The following DDAH1 variants were observed in gnomAD, a reference collection of about 807,000 sequenced individuals.
The protein encoded by DDAH1 is dimethylarginine dimethylaminohydrolase 1.
Under a neutral mutation model 28.8 loss-of-function variants are expected in DDAH1, and 19 were observed. The ratio of observed to expected loss-of-function variants is 0.66; its 90% CI spans 0.46 to 0.97. DDAH1 has a LOEUF of 0.97. Among genes scored for constraint, DDAH1 ranks in the 50% least tolerant of loss-of-function variants. The pLI is 0.00. For synonymous variants in DDAH1, 153 were observed against 154.4 expected (o/e 0.99, Z 0.07); for missense variants, 326 against 375.9 (o/e 0.87, Z 1.10).
chr1:85,463,711 T>C (rs997526312), intron 1 of DDAH1, among the ~76,000 whole-genome samples: 6 of 152,204 alleles, frequency 3.9e-5, no homozygotes, highest in African/African-American at 7.2e-5. Context: ...GCATTTCCAA[T>C]GTGAAGTGAA....
chr1:85,441,397 T>G (rs566645620), intron 1 of DDAH1, among the ~76,000 whole-genome samples: 1 of 151,956 alleles, frequency 6.6e-6, no homozygotes, highest in Non-Finnish European at 1.5e-5. Flanking sequence ...AAAACTTAGC[T>G]GGGCGTGGTG....
intron 4 of DDAH1, among the ~76,000 whole-genome samples, chr1:85,348,740 A>G (rs977314029): frequency 1.3e-5 from 2 of 152,206 alleles, no homozygotes; most frequent in Admixed American, 6.5e-5. Context: ...GTTAGGGCCT[A>G]TATCATATAA....
chr1:85,404,967 ATC>A (rs929555947), intron 1 of DDAH1, among the ~76,000 whole-genome samples: 1 of 152,154 alleles, frequency 6.6e-6, no homozygotes, highest in Non-Finnish European at 1.5e-5. Flanking sequence ...AGACTCTACA[ATC>A]CGCCCTAGAA....
intron 1 of DDAH1, among the ~76,000 whole-genome samples, chr1:85,406,681 T>G (rs1467669482): frequency 6.6e-6 from 1 of 152,196 alleles, no homozygotes; most frequent in African/African-American, 2.4e-5. Flanking sequence ...CCTCATATAC[T>G]GATCATTTAT....
intron 1 of DDAH1, among the ~76,000 whole-genome samples, chr1:85,462,408 C>G (rs1216561587): frequency 6.6e-6 from 1 of 152,054 alleles, no homozygotes; most frequent in Non-Finnish European, 1.5e-5. Flanking sequence ...AAAAGACCAG[C>G]TTGGCTACAG....
rs1486639045 is a variant in DDAH1, at chr1:85,319,447, A to C, written c.*2005T>G. 8 of 152,356 alleles carry C rather than the reference A, an allele frequency of 5.3e-5. No homozygotes were observed. The South Asian group carries it at 8.3e-4, about 16-fold the overall frequency. 9.4% of individuals were successfully genotyped at this position (152,356 alleles called of 1,614,324 possible). On this transcript the variant is annotated 3_prime_UTR_variant, in exon 6 of 6. Transcript: ENST00000284031. Reference sequence around the variant, plus strand: ...GATAGAAGTAAAGATATTAAAAATTATATGCTGGTAAGCCTAAACTGGCAG... The same window carrying C: ...GATAGAAGTAAAGATATTAAAAATTCTATGCTGGTAAGCCTAAACTGGCAG...
rs565727615 is a variant in DDAH1 at position 85,530,972 on chromosome 1, T to C, written c.-122-34691A>G. 3.9e-4 allele frequency among the ~76,000 whole-genome samples: 48 copies of C among 122,138 alleles called. 1 individual carries two copies. The highest frequency in any genetic ancestry group is 1.6e-3 in the African/African-American group (48 of 30,480). The allele number at this position is 122,138 out of a possible 152,430, so 80.1% of individuals were successfully genotyped here. A position where few individuals can be genotyped will look rare whatever the true frequency, so the allele number is the denominator to read the frequency against. On this transcript the variant is annotated intron_variant, in intron 1 of 6. Coordinates refer to the DDAH1 transcript ENST00000426972. ...TGCCTTTGCAGTCCAGCCTGGGTGA[T>C]AGAGTGAGACTCTGTCTCAAAAAAA...
At chr1:85,506,901 C>T (rs570037872) in intron 1 of DDAH1, among the ~76,000 whole-genome samples, 7 of 152,022 alleles carry the variant, frequency 4.6e-5, no homozygotes, top group South Asian at 2.1e-4. Context: ...AGGTAAGAGG[C>T]GATGAAGAGC....
At chr1:85,573,611 C>G (rs1436030051) in intron 1 of DDAH1, among the ~76,000 whole-genome samples, 1 of 152,138 alleles carries the variant, frequency 6.6e-6, no homozygotes, top group Non-Finnish European at 1.5e-5. Flanking sequence ...GATAAGAGTT[C>G]CCACGGGATA....
intron 1 of DDAH1, chr1:85,398,489 T>A (rs995284993): frequency 6.6e-6 from 1 of 152,086 alleles, no homozygotes; most frequent in South Asian, 2.1e-4. Context: ...TTTAGTGCAC[T>A]ACCTCCAGTA....
chr1:85,323,660 T>C (rs766980436), intron 5 of DDAH1, among the ~76,000 whole-genome samples: 4 of 152,158 alleles, frequency 2.6e-5, no homozygotes, highest in Non-Finnish European at 4.4e-5. Flanking sequence ...CCCACCACTC[T>C]GGGTCATTCA....
At position 85,498,463 on chromosome 1, in the gene DDAH1, C is replaced by G. The variant is rs1280942628; in HGVS notation, c.-122-2182G>C. ...ATAGTGCAAAGAACATATTGGAAAA[C>G]AGAAAATTTGCTTTTGTAGGTTTTT... On this transcript the variant is annotated intron_variant, in intron 1 of 6. Transcript: ENST00000426972. Among the ~76,000 whole-genome samples the G allele has an allele frequency of 2.0e-5, 3 of 151,990 alleles. No homozygotes were observed. In the East Asian group the frequency reaches 5.8e-4, roughly 29 times the overall value.
chr1:85,405,737 C>T (rs1429134817), intron 1 of DDAH1, among the ~76,000 whole-genome samples: 4 of 152,096 alleles, frequency 2.6e-5, no homozygotes, highest in Non-Finnish European at 5.9e-5. Flanking sequence ...AAAGAGAGAG[C>T]CTCAGAGAGG....
At chr1:85,406,425 T>C (rs1379690199) in intron 1 of DDAH1, among the ~76,000 whole-genome samples, 1 of 152,136 alleles carries the variant, frequency 6.6e-6, no homozygotes, top group Non-Finnish European at 1.5e-5. Context: ...CAAAATGAAA[T>C]AGTAACCTCT....
intron 1 of DDAH1, among the ~76,000 whole-genome samples, chr1:85,376,406 C>T (rs1273853973): frequency 2.6e-5 from 4 of 152,092 alleles, no homozygotes; most frequent in Non-Finnish European, 5.9e-5. Context: ...AAACAGATGT[C>T]TTAACTTTAA....
At chr1:85,510,623 C>G (rs1657190773) in intron 1 of DDAH1, among the ~76,000 whole-genome samples, 1 of 152,084 alleles carries the variant, frequency 6.6e-6, no homozygotes. Context: ...TGCAAAGATG[C>G]ACATAGACTC....
chr1:85,378,703 C>T (rs963905984), intron 1 of DDAH1, among the ~76,000 whole-genome samples: 3 of 152,236 alleles, frequency 2.0e-5, no homozygotes, highest in Non-Finnish European at 4.4e-5. Context: ...GCCACCATGG[C>T]TGGCCCTCTG....
chr1:85,323,293 A>G (rs1432143832), intron 5 of DDAH1, among the ~76,000 whole-genome samples: 7 of 152,214 alleles, frequency 4.6e-5, no homozygotes, highest in African/African-American at 1.4e-4. Context: ...CATAGTATAA[A>G]TATCTTGTTC....
chr1:85,413,083 T>C (rs1652733004), intron 1 of DDAH1, among the ~76,000 whole-genome samples: 1 of 152,186 alleles, frequency 6.6e-6, no homozygotes, highest in South Asian at 2.1e-4. Context: ...AAAATAAATC[T>C]ATTACCATGA....
Sources: gnomAD v4.1 joint callset for allele counts (sites outside exome capture counted in the v4.1 genomes callset) on GRCh38, gnomAD v4.1.1 for gene constraint, MANE v1.5 for transcripts, NCBI Gene and HGNC (gene_info 2026-07-23, HGNC 2026-07-21) for gene names.